NPFFR2: variants seen among roughly 807,000 people sequenced by gnomAD.
The protein encoded by NPFFR2 is G-protein coupled receptor 74.
In NPFFR2, 15 loss-of-function variants were observed where a neutral mutation model predicts 13.1. The observed-to-expected ratio is 1.15, with a 90% CI of 0.77 to 1.76. The LOEUF (loss-of-function observed/expected upper bound fraction) is 1.76, where lower values mean the gene tolerates loss of function less well. Ranked by LOEUF, NPFFR2 falls within the 40% of genes most tolerant of loss-of-function variation. The pLI is 0.00. For synonymous variants in NPFFR2, 190 were observed against 175.7 expected (o/e 1.08, Z -0.65); for missense variants, 572 against 503.5 (o/e 1.14, Z -1.30).
chr4:72,112,758 C>A (rs886401186), intron 1 of NPFFR2, among the ~76,000 whole-genome samples: 1 of 151,758 alleles, frequency 6.6e-6, no homozygotes, highest in Admixed American at 6.6e-5. Flanking sequence ...AGTCATGTGT[C>A]TCATGTGTCT....
At chr4:72,145,292 C>G (rs1722740694) in intron 3 of NPFFR2, among the ~76,000 whole-genome samples, 1 of 145,486 alleles carries the variant, frequency 6.9e-6, no homozygotes, top group African/African-American at 2.5e-5. Flanking sequence ...TATATAAATA[C>G]ATATATTTGT....
In NPFFR2 at chr4:72,039,594, A is replaced by G. The variant is rs373156873; in HGVS notation, c.-8+7394A>G. On this transcript the variant is annotated intron_variant, in intron 1 of 3. Coordinates refer to ENST00000308744, the MANE Select transcript of NPFFR2 (RefSeq NM_004885.3). The stretch of plus-strand genomic sequence containing the variant: ...TGTTGATTGTTATGGATAAAATTCA[A>G]TTCTAAATGGCTGTATATAATATAC... Among the ~76,000 whole-genome samples the G allele has an allele frequency of 4.4e-4, 67 of 152,312 alleles. 1 individual carries two copies. Among genetic ancestry groups the G allele is most frequent in the Middle Eastern group, 3.4e-3 (1 of 294 alleles).
intron 1 of NPFFR2, among the ~76,000 whole-genome samples, chr4:72,117,929 C>T (rs1721758132): frequency 6.6e-6 from 1 of 151,634 alleles, no homozygotes; most frequent in Non-Finnish European, 1.5e-5. Context: ...TAGCCCTAAA[C>T]ACAATATGAG....
chr4:72,044,531 T>G (rs940883241), intron 1 of NPFFR2, among the ~76,000 whole-genome samples: 1 of 152,180 alleles, frequency 6.6e-6, no homozygotes, highest in African/African-American at 2.4e-5. Flanking sequence ...CAGTGTTCCC[T>G]TTTATCCACA....
chr4:72,091,317 T>G (rs1720912915), intron 1 of NPFFR2, among the ~76,000 whole-genome samples: 1 of 152,096 alleles, frequency 6.6e-6, no homozygotes, highest in Admixed American at 6.6e-5. Context: ...TCTTTCCTGG[T>G]TTTGGTATTA....
chr4:72,080,978 A>G (rs1480215708), intron 1 of NPFFR2, among the ~76,000 whole-genome samples: 1 of 151,720 alleles, frequency 6.6e-6, no homozygotes, highest in African/African-American at 2.4e-5. Context: ...TCCCTCCACA[A>G]CCTCCCTTAT....
chr4:72,145,246 C>T (rs1039394376), intron 3 of NPFFR2, among the ~76,000 whole-genome samples: 4 of 135,590 alleles, frequency 3.0e-5, no homozygotes, highest in Non-Finnish European at 4.6e-5. Flanking sequence ...ATTTATTAAA[C>T]AAATATGTAA....
rs894129161 is a variant in NPFFR2 at position 72,147,899 on chromosome 4, A to G, written c.*87A>G. The G allele has an allele frequency of 1.7e-5, 18 of 1,036,716 alleles. No homozygotes were observed. The African/African-American group carries it at 2.9e-4, about 17-fold the overall frequency. 64.2% of individuals were successfully genotyped at this position (1,036,716 alleles called of 1,614,324 possible). A position where few individuals can be genotyped will look rare whatever the true frequency, so the allele number is the denominator to read the frequency against. On this transcript the variant is annotated 3_prime_UTR_variant, in exon 4 of 4. Transcript: ENST00000308744. ...TGTGGCTTTGCACTTCAAATTTTTC[A>G]AAGAATGTTCTAAATAAAACATTTA...
At chr4:72,044,183 T>A (rs754528266) in intron 1 of NPFFR2, among the ~76,000 whole-genome samples, 12 of 152,152 alleles carry the variant, frequency 7.9e-5, no homozygotes, top group Non-Finnish European at 1.8e-4. Context: ...GCCTCCCCAC[T>A]CATGCAGAAT....
In NPFFR2 at chr4:72,147,783, A is replaced by G; in HGVS notation, c.1234A>G (p.Lys412Glu). 1 of 1,584,272 alleles carries G rather than the reference A, an allele frequency of 6.3e-7. No homozygotes were observed. Among genetic ancestry groups the G allele is most frequent in the South Asian group, 1.2e-5 (1 of 84,952 alleles). ...ACAGGAATTAGTGATGGAAGAATTA[A>G]AAGAAACTACTAACAGCAGTGAGAT... ...PQQELVMEEL[K>E]ETTNSSEI is the part of the protein sequence containing the mutation. Residue 412 changes from lysine (K) to glutamate (E), a missense_variant, in exon 4 of 4, where the codon AAA becomes GAA. Lys to Glu is a moderately conservative substitution (Grantham distance 56). Transcript: ENST00000308744.
At chr4:72,067,440 C>T (rs904880337) in intron 1 of NPFFR2, among the ~76,000 whole-genome samples, 7 of 152,158 alleles carry the variant, frequency 4.6e-5, no homozygotes, top group African/African-American at 1.4e-4. Context: ...CAGTGTCGTG[C>T]TCCCATTATC....
intron 1 of NPFFR2, among the ~76,000 whole-genome samples, chr4:72,114,499 G>A (rs1721653411): frequency 6.6e-6 from 1 of 152,106 alleles, no homozygotes; most frequent in African/African-American, 2.4e-5. Context: ...TTCTAAGCAT[G>A]TGGCTTTCAA....
chr4:72,134,042 A>T (rs986921514), intron 2 of NPFFR2, among the ~76,000 whole-genome samples: 2 of 152,166 alleles, frequency 1.3e-5, no homozygotes, highest in African/African-American at 4.8e-5. Context: ...AGGCAGACAG[A>T]TCACTTGAGG....
At chr4:72,044,491 CTTGA>C (rs891602133) in intron 1 of NPFFR2, among the ~76,000 whole-genome samples, 3 of 152,116 alleles carry the variant, frequency 2.0e-5, no homozygotes, top group Non-Finnish European at 4.4e-5. Flanking sequence ...CGTTTTTCTA[CTTGA>C]TTATGTCATC....
intron 1 of NPFFR2, among the ~76,000 whole-genome samples, chr4:72,034,908 G>A (rs141865488): frequency 3.3e-5 from 5 of 152,312 alleles, no homozygotes; most frequent in Admixed American, 3.3e-4. Flanking sequence ...GCTTTGCGGA[G>A]TTTTCAAATA....
At chr4:72,059,999 A>C (rs1472940904) in intron 1 of NPFFR2, among the ~76,000 whole-genome samples, 1 of 152,114 alleles carries the variant, frequency 6.6e-6, no homozygotes, top group African/African-American at 2.4e-5. Flanking sequence ...ATCTATGGAA[A>C]TATTTGAGGC....
chr4:72,045,779 A>G (rs1219817770), intron 1 of NPFFR2, among the ~76,000 whole-genome samples: 1 of 152,052 alleles, frequency 6.6e-6, no homozygotes, highest in Non-Finnish European at 1.5e-5. Context: ...TGGGTACTCA[A>G]AGTATGGTTT....
At position 72,146,715 on chromosome 4, in the gene NPFFR2, C is replaced by T. The variant is rs746822739; in HGVS notation, c.429-263C>T. 5.0e-4 allele frequency: 186 copies of T among 374,594 alleles called. 1 individual carries two copies. The highest frequency in any genetic ancestry group is 7.1e-4 in the Admixed American group (17 of 23,826). 23.2% of individuals were successfully genotyped at this position (374,594 alleles called of 1,614,324 possible). On this transcript the variant is annotated intron_variant, in intron 3 of 3. Coordinates refer to ENST00000308744, the MANE Select transcript of NPFFR2 (RefSeq NM_004885.3). The stretch of plus-strand genomic sequence containing the variant: ...CAAATTAATGGAACAGAGTCTGAAA[C>T]GGTTTTAGGCATTCATGTTCATTAT...
At chr4:72,069,082 A>G in intron 1 of NPFFR2, 1 of 547,658 alleles carries the variant, frequency 1.8e-6, no homozygotes, top group African/African-American at 2.0e-5. Context: ...ACACTACTTA[A>G]GCTATTCTGA....
Sources: allele counts gnomAD v4.1 joint callset (sites outside exome capture counted in the v4.1 genomes callset), GRCh38; gene constraint gnomAD v4.1.1; transcripts MANE v1.5; gene names NCBI Gene and HGNC (gene_info 2026-07-23, HGNC 2026-07-21).